Variants in GPHN observed in about 807,000 individuals in gnomAD.
The protein encoded by GPHN is gephyrin.
Under a neutral mutation model 95.5 loss-of-function variants are expected in GPHN, and 17 were observed. That is an observed-to-expected ratio of 0.18 (90% CI 0.12 to 0.27). The LOEUF is 0.27. Among genes scored for constraint, GPHN ranks in the 10% least tolerant of loss-of-function variants. The pLI, the probability that GPHN is intolerant of heterozygous loss-of-function variation, is 1.00. For missense variants in GPHN, 660 were observed against 978.1 expected (o/e 0.67, Z 4.34); for synonymous variants, 320 against 322.5 (o/e 0.99, Z 0.08).
At chr14:67,506,581 G>T in the GPHN span, among the ~76,000 whole-genome samples, 1 of 152,186 alleles carries the variant, frequency 6.6e-6, no homozygotes, top group South Asian at 2.1e-4. Context: ...AGACAGGTAG[G>T]GATGGAAAAT....
At chr14:67,297,538 CAG>C in the GPHN span, among the ~76,000 whole-genome samples, 1 of 152,062 alleles carries the variant, frequency 6.6e-6, no homozygotes, top group East Asian at 1.9e-4. Flanking sequence ...GAATTTTAAA[CAG>C]ATTTATATAA....
At chr14:67,382,108 G>C in the GPHN span, among the ~76,000 whole-genome samples, 3 of 152,034 alleles carry the variant, frequency 2.0e-5, no homozygotes, top group African/African-American at 7.2e-5. Context: ...TCTTCCATCA[G>C]TTTAGTTCAG....
At chr14:66,690,794 ATGTT>A (rs2067716493) in intron 2 of GPHN, among the ~76,000 whole-genome samples, 1 of 151,496 alleles carries the variant, frequency 6.6e-6, no homozygotes, top group African/African-American at 2.4e-5. Flanking sequence ...TTTTGTTTTT[ATGTT>A]TGTTTGAGAC....
At chr14:66,628,503 A>G (rs2063605128) in intron 1 of GPHN, among the ~76,000 whole-genome samples, 1 of 152,246 alleles carries the variant, frequency 6.6e-6, no homozygotes, top group African/African-American at 2.4e-5. Context: ...AAAGTGATAT[A>G]AGGCACTTAC....
intron 10 of GPHN, among the ~76,000 whole-genome samples, chr14:67,031,736 A>G (rs2074206284): frequency 6.6e-6 from 1 of 152,014 alleles, no homozygotes; most frequent in Non-Finnish European, 1.5e-5. Context: ...TTCAAATATA[A>G]TTTTTTTATT....
intron 10 of GPHN, among the ~76,000 whole-genome samples, chr14:67,053,070 G>C (rs1324218486): frequency 6.8e-6 from 1 of 148,054 alleles, no homozygotes; most frequent in East Asian, 2.0e-4. Flanking sequence ...AAAAAAAAAG[G>C]CCAAAGCTAG....
At chr14:67,541,909 G>A in the GPHN span, 16 of 1,604,642 alleles carry the variant, frequency 1.0e-5, no homozygotes, top group East Asian at 2.2e-5. Flanking sequence ...GCGTAGACTG[G>A]CAGAAACGCT....
chr14:67,674,442 C>A, the GPHN span: 1 of 1,609,568 alleles, frequency 6.2e-7, no homozygotes. Flanking sequence ...CGCGGAAGAT[C>A]TCGTGCAGCT....
the GPHN span, chr14:67,559,501 C>T: frequency 1.1e-4 from 79 of 693,072 alleles, 1 homozygote; most frequent in South Asian, 8.6e-4. Flanking sequence ...ACTGGCTTTG[C>T]GAGGTCAGTG....
At chr14:66,877,627 C>T (rs2063729682) in intron 4 of GPHN, among the ~76,000 whole-genome samples, 1 of 152,106 alleles carries the variant, frequency 6.6e-6, no homozygotes, top group Non-Finnish European at 1.5e-5. Flanking sequence ...AGTGAACTCC[C>T]ATTCACAATT....
chr14:67,031,851 G>T (rs578219729), intron 10 of GPHN, among the ~76,000 whole-genome samples: 1 of 151,712 alleles, frequency 6.6e-6, no homozygotes, highest in East Asian at 1.9e-4. Context: ...ATGAAAAGTT[G>T]CATCATTCAT....
chr14:67,163,917 A>G (rs534633757), intron 19 of GPHN, among the ~76,000 whole-genome samples: 1 of 152,108 alleles, frequency 6.6e-6, no homozygotes, highest in African/African-American at 2.4e-5. Flanking sequence ...CCCACCTCCT[A>G]TGATAAGAGT....
intron 8 of GPHN, among the ~76,000 whole-genome samples, chr14:66,942,303 C>T (rs147728128): frequency 3.3e-4 from 50 of 152,322 alleles, no homozygotes; most frequent in Middle Eastern, 6.8e-3. Context: ...TGAGCCACCA[C>T]GCCTGGCCCC....
the GPHN span, chr14:67,302,051 G>A: frequency 7.4e-5 from 119 of 1,609,652 alleles, 1 homozygote; most frequent in South Asian, 1.3e-3. Flanking sequence ...GTTTATGAAA[G>A]TATTGGCCAG....
At chr14:66,813,756 C>A (rs1230807507) in intron 3 of GPHN, among the ~76,000 whole-genome samples, 1 of 152,200 alleles carries the variant, frequency 6.6e-6, no homozygotes, top group African/African-American at 2.4e-5. Context: ...TGGACCTGAT[C>A]TGTCCAGGGA....
chr14:67,150,452 A>G (rs7148638), intron 18 of GPHN, among the ~76,000 whole-genome samples: 1 of 145,478 alleles, frequency 6.9e-6, no homozygotes. Flanking sequence ...AAAAAAAAAA[A>G]CAAAAAAAAA....
At chr14:67,464,526 C>T in the GPHN span, among the ~76,000 whole-genome samples, 641 of 152,298 alleles carry the variant, frequency 4.2e-3, 5 homozygotes, top group African/African-American at 0.015. Flanking sequence ...CCCCACCACG[C>T]AGCAGCCACA....
intron 3 of GPHN, among the ~76,000 whole-genome samples, chr14:66,817,911 G>C (rs2061042756): frequency 6.6e-6 from 1 of 152,174 alleles, no homozygotes; most frequent in East Asian, 1.9e-4. Flanking sequence ...CAGAAATCCA[G>C]CCCAGTTGCA....
chr14:67,667,229 G>A, the GPHN span, among the ~76,000 whole-genome samples: 1 of 152,174 alleles, frequency 6.6e-6, no homozygotes, highest in Non-Finnish European at 1.5e-5. Flanking sequence ...TCTTCCTTAT[G>A]GGGATTTGAA....
Sources: gnomAD v4.1 joint callset for allele counts (sites outside exome capture counted in the v4.1 genomes callset) on GRCh38, gnomAD v4.1.1 for gene constraint, MANE v1.5 for transcripts, NCBI Gene and HGNC (gene_info 2026-07-23, HGNC 2026-07-21) for gene names.